The following KANK1 variants were observed in gnomAD, a reference collection of about 807,000 sequenced individuals.
The protein encoded by KANK1 is KN motif and ankyrin repeat domain-containing protein 1.
In KANK1, 109 loss-of-function variants were observed where a neutral mutation model predicts 106.2. The ratio of observed to expected loss-of-function variants is 1.03; its 90% CI spans 0.88 to 1.20. The LOEUF is 1.20. Among genes scored for constraint, KANK1 ranks in the 50% most tolerant of loss-of-function variants. The pLI is 0.00. For missense variants in KANK1, 2,399 were observed against 1,710.7 expected (o/e 1.40, Z -7.10); for synonymous variants, 873 against 652.2 (o/e 1.34, Z -5.16).
chr9:503,001 ATTTTTTTTTTTTT>A (rs35195436), upstream of KANK1, among the ~76,000 whole-genome samples: 9 of 70,232 alleles, frequency 1.3e-4, no homozygotes, highest in Non-Finnish European at 2.7e-4. Context: ...CGCCCAGCTG[ATTTTTTTTTTTTT>A]TTTTTTTTTT....
chr9:528,124 G>GA (rs1206079882), intron 1 of KANK1, among the ~76,000 whole-genome samples: 1 of 150,066 alleles, frequency 6.7e-6, no homozygotes, highest in African/African-American at 2.5e-5. Flanking sequence ...GCAACAGAGC[G>GA]AGACTCCGTC....
intron 1 of KANK1, among the ~76,000 whole-genome samples, chr9:595,485 G>A (rs1400207749): frequency 6.6e-6 from 1 of 151,798 alleles, no homozygotes; most frequent in Non-Finnish European, 1.5e-5. Flanking sequence ...GCGATATAGG[G>A]TGTGCTTTTG....
At chr9:740,500 A>C (rs542436378) in intron 8 of KANK1, among the ~76,000 whole-genome samples, 5 of 152,360 alleles carry the variant, frequency 3.3e-5, no homozygotes, top group South Asian at 2.1e-4. Flanking sequence ...CCAGTAGAAC[A>C]ACCACCCTGA....
chr9:557,949 G>A (rs1252619603), intron 1 of KANK1, among the ~76,000 whole-genome samples: 1 of 152,158 alleles, frequency 6.6e-6, no homozygotes, highest in Non-Finnish European at 1.5e-5. Flanking sequence ...AGGCTACAGT[G>A]AGCTATGATC....
At chr9:673,005 A>C (rs1208655820) in intron 1 of KANK1, among the ~76,000 whole-genome samples, 1 of 152,302 alleles carries the variant, frequency 6.6e-6, no homozygotes, top group East Asian at 1.9e-4. Flanking sequence ...TAACACAGGA[A>C]TGGACTGTGG....
intron 1 of KANK1, among the ~76,000 whole-genome samples, chr9:639,315 A>G (rs1235592633): frequency 6.6e-6 from 1 of 151,784 alleles, no homozygotes; most frequent in African/African-American, 2.4e-5. Context: ...TGATTATTTT[A>G]TTTTTATTTA....
intron 3 of KANK1, chr9:477,800 C>G (rs2058132091): frequency 6.6e-6 from 1 of 152,250 alleles, no homozygotes; most frequent in South Asian, 2.1e-4. Flanking sequence ...TGGAGGAAGC[C>G]AAAGTGCACA....
intron 1 of KANK1, among the ~76,000 whole-genome samples, chr9:628,735 T>C (rs1464909428): frequency 6.6e-6 from 1 of 152,104 alleles, no homozygotes; most frequent in Non-Finnish European, 1.5e-5. Context: ...GCGGGTTTCT[T>C]TGTGGCCATT....
intron 7 of KANK1, among the ~76,000 whole-genome samples, chr9:736,004 C>G (rs1200639802): frequency 6.6e-6 from 1 of 152,126 alleles, no homozygotes; most frequent in Non-Finnish European, 1.5e-5. Context: ...GAAAAAAAGC[C>G]TGGAGTGCAG....
At chr9:498,138 G>A (rs980781599) in intron 3 of KANK1, among the ~76,000 whole-genome samples, 4 of 152,130 alleles carry the variant, frequency 2.6e-5, no homozygotes, top group African/African-American at 9.7e-5. Context: ...AATGAAAGAG[G>A]CACAGGTAGG....
intron 1 of KANK1, among the ~76,000 whole-genome samples, chr9:652,962 T>C (rs1011571152): frequency 1.3e-5 from 2 of 152,216 alleles, no homozygotes; most frequent in Admixed American, 1.3e-4. Context: ...TGTTCCGGCG[T>C]TGGCGGTGGG....
intron 1 of KANK1, among the ~76,000 whole-genome samples, chr9:579,206 C>A (rs1821384145): frequency 6.6e-6 from 1 of 152,116 alleles, no homozygotes. Context: ...CCGACCCACC[C>A]ACCCTGGGTC....
intron 3 of KANK1, among the ~76,000 whole-genome samples, chr9:723,712 T>C (rs968390254): frequency 2.6e-5 from 4 of 152,150 alleles, no homozygotes; most frequent in African/African-American, 7.2e-5. Flanking sequence ...AGAGAACCTA[T>C]GGATTAAAAG....
exon 1 of KANK1, chr9:470,329 C>G (rs1334204130): frequency 1.3e-5 from 2 of 152,318 alleles, no homozygotes; most frequent in Non-Finnish European, 2.9e-5. Flanking sequence ...CGGGCGTGCT[C>G]CAGCCTGCTC....
Position 524,718 on chromosome 9 carries a change from A to C in KANK1, c.-84+19964A>C, listed in dbSNP as rs187581054. Among the ~76,000 whole-genome samples, 11 of 151,492 alleles carry C rather than the reference A, an allele frequency of 7.3e-5. No homozygotes were observed. In the East Asian group the frequency reaches 1.9e-3, roughly 27 times the overall value. On this transcript the variant is annotated intron_variant, in intron 1 of 11. Coordinates refer to ENST00000382297, the MANE Select transcript of KANK1 (RefSeq NM_015158.5). ...CTTTTAATAGAGACGGCATTTCACC[A>C]TGTTGGCCAGCTGGTCTCAAACTCC...
At chr9:504,215 C>T (rs772406116), upstream of KANK1, among the ~76,000 whole-genome samples, 2 of 152,174 alleles carry the variant, frequency 1.3e-5, no homozygotes, top group Non-Finnish European at 2.9e-5. Context: ...CACCGTCTCA[C>T]GGGGGCTGGA....
intron 2 of KANK1, chr9:684,073 C>G (rs1018021612): frequency 2.9e-6 from 2 of 688,866 alleles, no homozygotes; most frequent in South Asian, 6.6e-5. Context: ...ACCCAGCCCC[C>G]GGAGAGGTTT....
At chr9:481,929 A>G (rs778438034) in intron 3 of KANK1, among the ~76,000 whole-genome samples, 2 of 152,214 alleles carry the variant, frequency 1.3e-5, no homozygotes, top group Non-Finnish European at 2.9e-5. Context: ...AGGACAAACA[A>G]GAAGCCCAGG....
chr9:498,392 G>A (rs2058490810), intron 3 of KANK1, among the ~76,000 whole-genome samples: 1 of 152,138 alleles, frequency 6.6e-6, no homozygotes, highest in Non-Finnish European at 1.5e-5. Context: ...TGAATTCTGA[G>A]ACAATGGACA....
Sources: gnomAD v4.1 joint callset for allele counts (sites outside exome capture counted in the v4.1 genomes callset) on GRCh38, gnomAD v4.1.1 for gene constraint, MANE v1.5 for transcripts, NCBI Gene and HGNC (gene_info 2026-07-23, HGNC 2026-07-21) for gene names.